The following EPHA6 variants were observed in gnomAD, a reference collection of about 807,000 sequenced individuals.
EPHA6 encodes EPH receptor A6.
Under a neutral mutation model 112.0 loss-of-function variants are expected in EPHA6, and 50 were observed. The ratio of observed to expected loss-of-function variants is 0.45; its 90% CI spans 0.36 to 0.56. EPHA6 has a LOEUF of 0.56. Among genes scored for constraint, EPHA6 ranks in the 20% least tolerant of loss-of-function variants. EPHA6 has a pLI of 0.00. For synonymous variants in EPHA6, 529 were observed against 490.7 expected, an observed-to-expected ratio of 1.08 and a Z score of -1.03; for missense variants, 1,280 against 1,417.4, an observed-to-expected ratio of 0.90 and a Z score of 1.56.
chr3:97,009,531 G>C (rs1228140174), intron 3 of EPHA6, among the ~76,000 whole-genome samples: 1 of 152,208 alleles, frequency 6.6e-6, no homozygotes, highest in Non-Finnish European at 1.5e-5. Context: ...AGGGAGCTTA[G>C]TGTGGTAGGC....
In EPHA6 at chr3:97,532,143, T is replaced by C. The variant is rs568241694; in HGVS notation, c.2201-215T>C. Among the ~76,000 whole-genome samples, 9 of 152,226 alleles carry C rather than the reference T, an allele frequency of 5.9e-5. No individual in the cohort carries two copies. The South Asian group carries it at 1.9e-3, about 32-fold the overall frequency. On this transcript the variant is annotated intron_variant, in intron 10 of 17. Transcript: ENST00000389672. ...TCTATCAATAGTATTTCCTGTGATA[T>C]AGCACATGAAAATGCATTCCATTAT...
chr3:97,259,903 C>T (rs778801941), intron 5 of EPHA6, among the ~76,000 whole-genome samples: 16 of 151,544 alleles, frequency 1.1e-4, no homozygotes, highest in African/African-American at 2.7e-4. Flanking sequence ...TGGGTTCAAG[C>T]GATTCTTCCG....
chr3:97,023,576 T>C (rs539291275), intron 3 of EPHA6, among the ~76,000 whole-genome samples: 29 of 152,232 alleles, frequency 1.9e-4, no homozygotes, highest in African/African-American at 6.7e-4. Flanking sequence ...AGATATAATA[T>C]TAGCAAACAA....
At chr3:97,344,230 G>A (rs929307032) in intron 5 of EPHA6, among the ~76,000 whole-genome samples, 5 of 152,244 alleles carry the variant, frequency 3.3e-5, no homozygotes, top group East Asian at 1.9e-4. Context: ...ATTTGGGGAC[G>A]AAATGTGTGT....
intron 3 of EPHA6, among the ~76,000 whole-genome samples, chr3:97,145,261 A>G (rs1316515059): frequency 6.6e-5 from 10 of 151,506 alleles, no homozygotes; most frequent in Admixed American, 6.6e-4. Flanking sequence ...TTAACACAAG[A>G]GAACTTACTC....
At chr3:97,336,320 T>C (rs969339407) in intron 5 of EPHA6, among the ~76,000 whole-genome samples, 5 of 152,150 alleles carry the variant, frequency 3.3e-5, no homozygotes, top group African/African-American at 4.8e-5. Flanking sequence ...AAAAAAGATA[T>C]GGAGTTAGTT....
At chr3:96,938,468 G>A (rs1161383936) in intron 2 of EPHA6, among the ~76,000 whole-genome samples, 1 of 152,106 alleles carries the variant, frequency 6.6e-6, no homozygotes, top group Admixed American at 6.6e-5. Context: ...TGTATCCTGA[G>A]ACTTTGCTGA....
intron 5 of EPHA6, among the ~76,000 whole-genome samples, chr3:97,294,673 T>C (rs1340077859): frequency 1.3e-5 from 2 of 152,196 alleles, no homozygotes; most frequent in East Asian, 1.9e-4. Flanking sequence ...TCCCTCCTTA[T>C]CTTCATTTGT....
At chr3:97,081,835 A>C (rs1225651330) in intron 3 of EPHA6, among the ~76,000 whole-genome samples, 5 of 151,398 alleles carry the variant, frequency 3.3e-5, no homozygotes. Context: ...TATTTTTAAA[A>C]TAATGTTAGA....
chr3:97,007,757 T>C (rs1004584603), intron 3 of EPHA6, among the ~76,000 whole-genome samples: 1 of 152,210 alleles, frequency 6.6e-6, no homozygotes, highest in African/African-American at 2.4e-5. Context: ...TTCCTTTCCA[T>C]ATTTAGTGCT....
intron 7 of EPHA6, among the ~76,000 whole-genome samples, chr3:97,459,441 A>G (rs1392143819): frequency 6.6e-6 from 1 of 152,214 alleles, no homozygotes; most frequent in Non-Finnish European, 1.5e-5. Context: ...AAATAGCACA[A>G]CACTGGCAGC....
chr3:96,931,018 A>AAAAAAG lies in EPHA6; in HGVS notation c.451-56309_451-56308insAAGAAA, dbSNP rs796531853. 5.6e-3 allele frequency among the ~76,000 whole-genome samples: 475 copies of AAAAAAG among 84,570 alleles called. 103 individuals carry two copies. Among genetic ancestry groups the AAAAAAG allele is most frequent in the East Asian group, 0.02 (57 of 2,798 alleles). The allele number at this position is 84,570 out of a possible 152,430, so 55.5% of individuals were successfully genotyped here. Reference sequence around the variant, plus strand: ...AAAAAAAAAAAAAAAAAAAAAAAAAAAAAGAAAAGCTTTCTGGCTGCTTTT... The same window carrying AAAAAAG: ...AAAAAAAAAAAAAAAAAAAAAAAAAAAAAAAGAAAGAAAAGCTTTCTGGCTGCTTTT... On this transcript the variant is annotated intron_variant, in intron 2 of 17. Coordinates refer to ENST00000389672, the MANE Select transcript of EPHA6 (RefSeq NM_001080448.3).
intron 11 of EPHA6, among the ~76,000 whole-genome samples, chr3:97,543,954 T>A (rs1268322182): frequency 1.3e-5 from 2 of 152,222 alleles, no homozygotes; most frequent in Non-Finnish European, 2.9e-5. Context: ...ATCCTGAGAC[T>A]TTGCTGAAGT....
chr3:97,356,282 C>T (rs1475587742), intron 5 of EPHA6, among the ~76,000 whole-genome samples: 1 of 152,186 alleles, frequency 6.6e-6, no homozygotes, highest in Non-Finnish European at 1.5e-5. Context: ...AGGGCTCCCA[C>T]TAGTTCTACA....
intron 3 of EPHA6, among the ~76,000 whole-genome samples, chr3:97,152,507 C>G (rs2076194398): frequency 2.6e-5 from 4 of 151,296 alleles, no homozygotes. Flanking sequence ...AGAACTAACA[C>G]TGAAATGCAT....
intron 14 of EPHA6, among the ~76,000 whole-genome samples, chr3:97,674,928 G>A (rs2031217244): frequency 6.6e-6 from 1 of 152,094 alleles, no homozygotes; most frequent in Middle Eastern, 3.2e-3. Flanking sequence ...TTGGGGTGAA[G>A]TTACATGAGC....
chr3:96,991,836 A>G (rs912711006), intron 3 of EPHA6, among the ~76,000 whole-genome samples: 1 of 152,192 alleles, frequency 6.6e-6, no homozygotes, highest in South Asian at 2.1e-4. Flanking sequence ...CACAACACAC[A>G]TGGAACAGGG....
intron 3 of EPHA6, among the ~76,000 whole-genome samples, chr3:97,225,990 C>T (rs2108543597): frequency 6.6e-6 from 1 of 152,100 alleles, no homozygotes; most frequent in African/African-American, 2.4e-5. Flanking sequence ...TTTGTGTGCA[C>T]GTGCCCGTGT....
At chr3:97,646,714 G>A (rs1263863248) in intron 14 of EPHA6, among the ~76,000 whole-genome samples, 2 of 152,036 alleles carry the variant, frequency 1.3e-5, no homozygotes, top group African/African-American at 2.4e-5. Context: ...TACTGTGTAG[G>A]TCCACCATGC....
Sources: gnomAD v4.1 joint callset for allele counts (sites outside exome capture counted in the v4.1 genomes callset) on GRCh38, gnomAD v4.1.1 for gene constraint, MANE v1.5 for transcripts, NCBI Gene and HGNC (gene_info 2026-07-23, HGNC 2026-07-21) for gene names.